USP13: variants seen among roughly 807,000 people sequenced by gnomAD.
USP13 encodes the protein ubiquitin carboxyl-terminal hydrolase 13.
Under a neutral mutation model 107.8 loss-of-function variants are expected in USP13, and 68 were observed. That is an observed-to-expected ratio of 0.63 (90% CI 0.52 to 0.77). USP13 has a LOEUF of 0.77. USP13 is among the 30% of genes least tolerant of loss of function. The probability of loss-of-function intolerance (pLI) is 0.00; values close to 1 mark genes in which losing one functional copy is unlikely to be tolerated. For synonymous variants in USP13, 377 were observed against 389.5 expected, an observed-to-expected ratio of 0.97 and a Z score of 0.38; for missense variants, 945 against 1,093.3, an observed-to-expected ratio of 0.86 and a Z score of 1.91.
At chr3:179,681,651 G>T (rs1711657204) in intron 1 of USP13, among the ~76,000 whole-genome samples, 1 of 151,820 alleles carries the variant, frequency 6.6e-6, no homozygotes, top group South Asian at 2.1e-4. Flanking sequence ...AGGGAGGGGG[G>T]TGAAAGGGGG....
chr3:179,664,319 C>A (rs1576908708), intron 1 of USP13, among the ~76,000 whole-genome samples: 1 of 152,184 alleles, frequency 6.6e-6, no homozygotes, highest in East Asian at 1.9e-4. Context: ...GTCTCAAACT[C>A]CTGACCTCAA....
At position 179,682,896 on chromosome 3, in the gene USP13, TC is replaced by T. The variant is rs1560047155; in HGVS notation, c.294+897del. 5.9e-5 allele frequency among the ~76,000 whole-genome samples: 9 copies of T among 152,248 alleles called. No homozygotes were observed. The South Asian group carries it at 1.9e-3, about 32-fold the overall frequency. On this transcript the variant is annotated intron_variant, in intron 2 of 20. Transcript: ENST00000263966. ...TTTTTATTAGATAGTGCCAAGTCTC[TC>T]CCCAGAGTGATTGTACCTATTTACA... is the stretch of plus-strand genomic sequence containing the variant.
chr3:179,672,195 C>T (rs1404956517), intron 1 of USP13, among the ~76,000 whole-genome samples: 1 of 152,104 alleles, frequency 6.6e-6, no homozygotes, highest in African/African-American at 2.4e-5. Context: ...TTTTAACATT[C>T]TTTTAAACGG....
At chr3:179,681,822 C>T (rs1711666646) in intron 1 of USP13, 56 bp from the exon 2 acceptor site, 7 of 1,568,854 alleles carry the variant, frequency 4.5e-6, no homozygotes, top group Non-Finnish European at 6.1e-6. Context: ...CCTCTTTCTA[C>T]ATCTGACTAC....
chr3:179,714,870 C>CTTTTTTTT (rs34976120), intron 6 of USP13, among the ~76,000 whole-genome samples: 79 of 137,456 alleles, frequency 5.7e-4, no homozygotes, highest in Non-Finnish European at 7.0e-4. Flanking sequence ...TTTCCTTTTT[C>CTTTTTTTT]TTTTTTTTTT....
rs1713773186 is a variant in USP13 at position 179,730,699 on chromosome 3, A to T, written c.1244A>T (p.Glu415Val). 6 of 1,614,084 alleles carry T rather than the reference A, an allele frequency of 3.7e-6. No individual in the cohort carries two copies. In the East Asian group the frequency reaches 1.1e-4, roughly 30 times the overall value. ...GAACTCATTGAACAGGTGATGAAGG[A>T]GGAGCACAAGGTATGTGTCCGAGCG... ...KSELIEQVMK[E>V]EHKPQQNGIS... Residue 415 changes from glutamate (E) to valine (V), a missense_variant, in exon 10 of 21, where the codon GAG becomes GTG. Physicochemically the swap from Glu to Val is moderately radical, Grantham distance 121. Coordinates refer to ENST00000263966, the MANE Select transcript of USP13 (RefSeq NM_003940.3).
intron 19 of USP13, among the ~76,000 whole-genome samples, chr3:179,780,118 T>C (rs922854534): frequency 1.3e-5 from 2 of 152,172 alleles, no homozygotes; most frequent in Non-Finnish European, 2.9e-5. Flanking sequence ...ACCCCACAGT[T>C]CACCTTACAC....
chr3:179,779,204 C>T (rs561380091), intron 19 of USP13, among the ~76,000 whole-genome samples: 5 of 150,724 alleles, frequency 3.3e-5, no homozygotes, highest in East Asian at 1.9e-4. Context: ...TTTTGGGGGC[C>T]GAGTAATGAC....
Position 179,653,298 on chromosome 3 carries a change from G to A in USP13, c.73G>A (p.Gly25Ser). 3 of 1,574,708 alleles carry A rather than the reference G, an allele frequency of 1.9e-6. No individual in the cohort carries two copies. The highest frequency in any genetic ancestry group is 2.6e-6 in the Non-Finnish European group (3 of 1,160,868). Residue 25 changes from glycine to serine, a missense_variant, in exon 1 of 21, where the codon GGC (glycine) becomes AGC (serine). By Grantham distance (56) the Gly-to-Ser change is moderately conservative. Coordinates refer to ENST00000263966, the MANE Select transcript of USP13 (RefSeq NM_003940.3). This position sits in a 1 kb window ranked among gnomAD's most constrained non-coding sequence, Gnocchi z 4.0. Reference protein sequence around the residue: ...GGRKMAAGDIGELLVPHMPTI... With the variant: ...GGRKMAAGDISELLVPHMPTI... Reference sequence around the variant, plus strand: ...CAGGAAGATGGCTGCAGGAGACATCGGCGAGCTGCTAGTGCCCCACATGCC... The same window carrying A: ...CAGGAAGATGGCTGCAGGAGACATCAGCGAGCTGCTAGTGCCCCACATGCC...
At chr3:179,702,588 T>A (rs1337445096) in intron 4 of USP13, among the ~76,000 whole-genome samples, 1 of 152,240 alleles carries the variant, frequency 6.6e-6, no homozygotes, top group East Asian at 1.9e-4. Context: ...GGACTCGGTT[T>A]CCACCATTCA....
chr3:179,780,185 C>A (rs531291438), intron 19 of USP13, among the ~76,000 whole-genome samples: 1 of 152,170 alleles, frequency 6.6e-6, no homozygotes, highest in African/African-American at 2.4e-5. Context: ...TAAGGATGCC[C>A]GCTTTTGACA....
Position 179,749,987 on chromosome 3 carries a change from G to A in USP13, c.1710-2298G>A, listed in dbSNP as rs143500067. ...ATTTTTACATTAAAATATCATGGCC[G>A]GGTGCCGTGGCTCACATCTGTAATC... On this transcript the variant is annotated intron_variant, in intron 13 of 20. Transcript: ENST00000263966. Among the ~76,000 whole-genome samples the A allele has an allele frequency of 7.2e-5, 11 of 152,104 alleles. No homozygotes were observed. The East Asian group carries it at 2.1e-3, about 29-fold the overall frequency.
At chr3:179,727,806 C>A (rs1226785940) in intron 8 of USP13, among the ~76,000 whole-genome samples, 1 of 106,482 alleles carries the variant, frequency 9.4e-6, no homozygotes, top group Admixed American at 9.0e-5. Context: ...TGACCCCCCC[C>A]CCACCTCCCT....
intron 8 of USP13, among the ~76,000 whole-genome samples, chr3:179,723,222 T>G (rs1169437724): frequency 2.0e-5 from 3 of 152,216 alleles, no homozygotes; most frequent in African/African-American, 7.2e-5. Flanking sequence ...TTCTCTTTCC[T>G]CCCTTGGTGT....
At chr3:179,759,649 A>G (rs1166716639) in intron 16 of USP13, among the ~76,000 whole-genome samples, 1 of 152,152 alleles carries the variant, frequency 6.6e-6, no homozygotes, top group African/African-American at 2.4e-5. Flanking sequence ...TGTTCTATGT[A>G]TCTTCCTTGT....
chr3:179,780,763 G>C (rs1715717622), intron 19 of USP13, among the ~76,000 whole-genome samples: 3 of 152,198 alleles, frequency 2.0e-5, no homozygotes, highest in Admixed American at 2.0e-4. Context: ...TGAAAAGCAG[G>C]AGAGAAAGAA....
chr3:179,708,524 C>T (rs10428102), intron 5 of USP13, among the ~76,000 whole-genome samples: 2,996 of 152,136 alleles, frequency 0.02, 102 homozygotes, highest in African/African-American at 0.069. Context: ...CCATGTTGGC[C>T]AGGCTGGTCT....
At chr3:179,738,010 A>G (rs936887428) in intron 10 of USP13, among the ~76,000 whole-genome samples, 4 of 152,222 alleles carry the variant, frequency 2.6e-5, no homozygotes, top group African/African-American at 9.6e-5. Flanking sequence ...TCTTTGTCGC[A>G]GGGAGATAGA....
At chr3:179,696,187 A>G (rs1305404004) in intron 3 of USP13, among the ~76,000 whole-genome samples, 1 of 152,186 alleles carries the variant, frequency 6.6e-6, no homozygotes, top group East Asian at 1.9e-4. Flanking sequence ...ACATCCCATT[A>G]GTGAAGGACT....
Sources: allele counts gnomAD v4.1 joint callset (sites outside exome capture counted in the v4.1 genomes callset), GRCh38; gene constraint gnomAD v4.1.1; non-coding constraint Gnocchi (gnomAD v3.1); transcripts MANE v1.5; gene names NCBI Gene and HGNC (gene_info 2026-07-23, HGNC 2026-07-21).